TUSC3: variants seen among roughly 807,000 people sequenced by gnomAD.
The protein encoded by TUSC3 is dolichyl-diphosphooligosaccharide--protein glycosyltransferase subunit TUSC3.
A neutral mutation model predicts 44.8 loss-of-function variants in TUSC3; 45 were observed. The ratio of observed to expected loss-of-function variants is 1.00; its 90% CI spans 0.79 to 1.29. The LOEUF (loss-of-function observed/expected upper bound fraction) is 1.29, where lower values mean the gene tolerates loss of function less well. Among genes scored for constraint, TUSC3 ranks in the 50% most tolerant of loss-of-function variants. The pLI is 0.00. For synonymous variants in TUSC3, 212 were observed against 152.9 expected, an observed-to-expected ratio of 1.39 and a Z score of -2.85; for missense variants, 519 against 437.9, an observed-to-expected ratio of 1.19 and a Z score of -1.65.
intron 2 of TUSC3, among the ~76,000 whole-genome samples, chr8:15,485,816 G>T (rs1245088498): frequency 6.6e-6 from 1 of 151,772 alleles, no homozygotes; most frequent in Non-Finnish European, 1.5e-5. Context: ...TTTTGAGGCA[G>T]AGTTTCACTC....
intron 2 of TUSC3, among the ~76,000 whole-genome samples, chr8:15,532,649 T>A (rs138371459): frequency 2.4e-4 from 36 of 152,272 alleles, no homozygotes; most frequent in African/African-American, 8.2e-4. Context: ...GAGGGGGTGA[T>A]ATGGTTTGGT....
At chr8:15,702,393 T>C (rs1274710949) in intron 6 of TUSC3, among the ~76,000 whole-genome samples, 2 of 152,192 alleles carry the variant, frequency 1.3e-5, no homozygotes, top group Non-Finnish European at 2.9e-5. Flanking sequence ...GTTGAGAAAG[T>C]GTTTCATATA....
chr8:15,555,520 C>A (rs1802228420), intron 1 of TUSC3, among the ~76,000 whole-genome samples: 1 of 151,164 alleles, frequency 6.6e-6, no homozygotes, highest in African/African-American at 2.4e-5. Context: ...GCCTTGAACT[C>A]TTGGGCTCAA....
chr8:15,593,067 A>C (rs1279404388), intron 1 of TUSC3, among the ~76,000 whole-genome samples: 1 of 152,080 alleles, frequency 6.6e-6, no homozygotes, highest in Non-Finnish European at 1.5e-5. Flanking sequence ...ACTCTTTATT[A>C]TATATTAATG....
chr8:15,779,866 G>C, the TUSC3 span, among the ~76,000 whole-genome samples: 5 of 152,122 alleles, frequency 3.3e-5, no homozygotes, highest in Non-Finnish European at 5.9e-5. Flanking sequence ...CTACAGAAAC[G>C]CTATAGTCTG....
rs1316583763 is a variant in TUSC3 at position 15,666,228 on chromosome 8, A to G, written c.708+3932A>G. 3.3e-5 allele frequency among the ~76,000 whole-genome samples: 5 copies of G among 151,612 alleles called. 1 individual carries two copies. The South Asian group carries it at 6.2e-4, about 19-fold the overall frequency. On this transcript the variant is annotated intron_variant, in intron 5 of 10. Transcript: ENST00000503731. ...TCAAGCCAGAAAATATTAGTAGGAT[A>G]AGCAATAACATTCATTTCAAATACA... is the stretch of plus-strand genomic sequence containing the variant.
intron 6 of TUSC3, among the ~76,000 whole-genome samples, chr8:15,706,900 G>A (rs773738686): frequency 3.3e-5 from 5 of 151,806 alleles, no homozygotes; most frequent in South Asian, 2.1e-4. Context: ...GTTGTAGGGC[G>A]CAAGAAGTTC....
intron 1 of TUSC3, among the ~76,000 whole-genome samples, chr8:15,607,220 AT>A (rs1359605840): frequency 1.3e-5 from 2 of 151,960 alleles, no homozygotes; most frequent in African/African-American, 2.4e-5. Flanking sequence ...TTTTCAGTAC[AT>A]TTTTTTCATT....
intron 1 of TUSC3, among the ~76,000 whole-genome samples, chr8:15,601,281 C>CA (rs966476775): frequency 6.6e-5 from 10 of 151,484 alleles, no homozygotes; most frequent in Non-Finnish European, 1.2e-4. Context: ...GCATTGTTTC[C>CA]CCCCCGTTGC....
chr8:15,807,276 G>T, the TUSC3 span: 1 of 578,888 alleles, frequency 1.7e-6, no homozygotes, highest in Admixed American at 2.5e-5. Flanking sequence ...TCTAAAGATG[G>T]TCCCATTATG....
intron 1 of TUSC3, among the ~76,000 whole-genome samples, chr8:15,554,766 T>TG (rs1420109920): frequency 6.7e-6 from 1 of 149,412 alleles, no homozygotes; most frequent in African/African-American, 2.5e-5. Flanking sequence ...CACGCCCGGC[T>TG]AATTTTTTTT....
At chr8:15,453,505 C>G (rs1290326853) in intron 1 of TUSC3, among the ~76,000 whole-genome samples, 1 of 152,164 alleles carries the variant, frequency 6.6e-6, no homozygotes, top group East Asian at 1.9e-4. Context: ...TGCAAATTGA[C>G]TTAATGCAAC....
intron 1 of TUSC3, among the ~76,000 whole-genome samples, chr8:15,472,556 C>A (rs1296769044): frequency 6.6e-6 from 1 of 152,058 alleles, no homozygotes; most frequent in East Asian, 1.9e-4. Context: ...TGTAAGTATT[C>A]ACCAAATCCA....
At chr8:15,618,512 A>T (rs1273221061) in intron 1 of TUSC3, among the ~76,000 whole-genome samples, 2 of 151,938 alleles carry the variant, frequency 1.3e-5, no homozygotes, top group African/African-American at 2.4e-5. Flanking sequence ...ACTATCTTCC[A>T]CCTCCACATC....
chr8:15,582,305 G>C (rs1296606857), intron 1 of TUSC3, among the ~76,000 whole-genome samples: 1 of 152,198 alleles, frequency 6.6e-6, no homozygotes, highest in African/African-American at 2.4e-5. Context: ...GACCGGAGCT[G>C]TTCCTGTTCA....
intron 1 of TUSC3, among the ~76,000 whole-genome samples, chr8:15,542,183 G>C (rs749554187): frequency 6.6e-6 from 1 of 152,040 alleles, no homozygotes; most frequent in African/African-American, 2.4e-5. Context: ...CAACTCAAAG[G>C]GGGAGGGGCA....
At chr8:15,589,063 C>A (rs1265998594) in intron 1 of TUSC3, among the ~76,000 whole-genome samples, 1 of 152,060 alleles carries the variant, frequency 6.6e-6, no homozygotes, top group Non-Finnish European at 1.5e-5. Context: ...TATGCAACGA[C>A]TTTCTTTGTC....
intron 2 of TUSC3, among the ~76,000 whole-genome samples, chr8:15,626,437 A>G (rs530841916): frequency 1.3e-5 from 2 of 152,216 alleles, no homozygotes; most frequent in Non-Finnish European, 2.9e-5. Context: ...GGGAGCAGAC[A>G]GTAGCCCTAC....
intron 10 of TUSC3, among the ~76,000 whole-genome samples, chr8:15,763,098 G>C (rs1812220687): frequency 6.6e-6 from 1 of 151,596 alleles, no homozygotes; most frequent in African/African-American, 2.4e-5. Flanking sequence ...CATTTTAATT[G>C]ATGTTATATA....
Sources: gnomAD v4.1 joint callset for allele counts (sites outside exome capture counted in the v4.1 genomes callset) on GRCh38, gnomAD v4.1.1 for gene constraint, MANE v1.5 for transcripts, NCBI Gene and HGNC (gene_info 2026-07-23, HGNC 2026-07-21) for gene names.